MACF1: variants seen among roughly 807,000 people sequenced by gnomAD.
MACF1 encodes microtubule actin crosslinking factor 1.
A neutral mutation model predicts 854.8 loss-of-function variants in MACF1; 193 were observed. The observed-to-expected ratio is 0.23, with a 90% CI of 0.20 to 0.25. The LOEUF (loss-of-function observed/expected upper bound fraction) is 0.25. Among genes scored for constraint, MACF1 ranks in the 10% least tolerant of loss-of-function variants. The pLI, the probability that MACF1 is intolerant of heterozygous loss-of-function variation, is 1.00. For missense variants in MACF1, 7,722 were observed against 8,929.1 expected (o/e 0.86, Z 5.45); for synonymous variants, 3,185 against 3,226.7 (o/e 0.99, Z 0.44).
chr1:39,435,706 A>G lies in MACF1; in HGVS notation c.17933A>G (p.Glu5978Gly). 6.2e-7 allele frequency: 1 copy of G among 1,614,146 alleles called. No homozygotes were observed. Among genetic ancestry groups the G allele is most frequent in the Non-Finnish European group, 8.5e-7 (1 of 1,180,024 alleles). The change falls in exon 70 of 101, where the codon GAG becomes GGG. Residue 5978 changes from glutamate to glycine, a missense_variant. Coordinates refer to ENST00000564288, the MANE Select transcript of MACF1 (RefSeq NM_001394062.1). The part of the protein sequence containing the change: ...KAENMYAQIK[E>G]EVRQRALALD... ...GAAAACATGTATGCCCAAATAAAGG[A>G]GGAGGTGCGCCAGCGAGCCCTGGCT...
At chr1:39,446,894 C>T (rs1644242116) in intron 80 of MACF1, among the ~76,000 whole-genome samples, 2 of 152,120 alleles carry the variant, frequency 1.3e-5, no homozygotes, top group African/African-American at 2.4e-5. Context: ...TGGCTTCTTT[C>T]GTTACCTCTT....
intron 2 of MACF1, among the ~76,000 whole-genome samples, chr1:39,151,207 A>C (rs1355163375): frequency 1.3e-5 from 2 of 152,102 alleles, no homozygotes; most frequent in East Asian, 1.9e-4. Context: ...TTGTCCATAC[A>C]CCCTACCAGA....
rs542032860 is a variant in MACF1, at chr1:39,302,940, A to G, written c.2651A>G (p.Asn884Ser). 88 of 1,613,898 alleles carry G rather than the reference A, an allele frequency of 5.5e-5. No homozygotes were observed. The South Asian group carries it at 7.4e-4, about 13-fold the overall frequency. ...TCTCTTCAGATTACTATTTGCAAAA[A>G]TGATGAATGTGTGCTAGAAGATAAT... The part of the protein sequence containing the change: ...YRQIEITICK[N>S]DECVLEDNSQ... The change falls in exon 23 of 101, where the codon AAT becomes AGT. Residue 884 changes from asparagine to serine, a missense_variant. Asn to Ser is a conservative substitution (Grantham distance 46). This residue lies in a region of MACF1 where 1,137 missense variants were observed against 1,263.0 expected (regional missense o/e 0.90). Coordinates refer to ENST00000564288, the MANE Select transcript of MACF1 (RefSeq NM_001394062.1).
At chr1:39,438,069 C>T in intron 71 of MACF1, 61 bp downstream of exon 71, 1 of 1,426,162 alleles carries the variant, frequency 7.0e-7, no homozygotes. Context: ...CTGTGGTTAT[C>T]TTCAGCATCC....
Position 39,211,210 on chromosome 1 carries a change from C to T in MACF1, c.109+6079C>T, listed in dbSNP as rs182048377. On this transcript the variant is annotated intron_variant, in intron 1 of 100. Coordinates refer to ENST00000564288, the MANE Select transcript of MACF1 (RefSeq NM_001394062.1). ...CTTGAACTCCTGACCTCAAGTGATCCGTCCATCTTGGCCTCTCAGAGTTCT... is the reference window on the plus strand; with the variant it reads ...CTTGAACTCCTGACCTCAAGTGATCTGTCCATCTTGGCCTCTCAGAGTTCT... Among the ~76,000 whole-genome samples the T allele has an allele frequency of 5.9e-3, 905 of 152,154 alleles. 10 individuals carry two copies. The highest frequency in any genetic ancestry group is 0.019 in the African/African-American group (781 of 41,502).
chr1:39,255,972 G>A (rs1442270946), intron 5 of MACF1, among the ~76,000 whole-genome samples: 1 of 152,180 alleles, frequency 6.6e-6, no homozygotes, highest in Non-Finnish European at 1.5e-5. Context: ...AAGAAGGGCA[G>A]GGAGATTACT....
At chr1:39,349,803 A>G (rs1328596893) in intron 42 of MACF1, among the ~76,000 whole-genome samples, 176 bp downstream of exon 42, 1 of 152,026 alleles carries the variant, frequency 6.6e-6, no homozygotes, top group Non-Finnish European at 1.5e-5. Context: ...TAATTTTTTA[A>G]TTTTTTTGTA....
At chr1:39,265,573 C>T (rs547010195) in intron 6 of MACF1, among the ~76,000 whole-genome samples, 1 of 152,218 alleles carries the variant, frequency 6.6e-6, no homozygotes, top group East Asian at 1.9e-4. Flanking sequence ...GAGCATTTGG[C>T]CAAAATCATG....
intron 2 of MACF1, among the ~76,000 whole-genome samples, chr1:39,166,841 G>C (rs1337941066): frequency 1.3e-5 from 2 of 152,208 alleles, no homozygotes; most frequent in Non-Finnish European, 2.9e-5. Flanking sequence ...ACTGGCAGCA[G>C]TGTGAAAGAT....
chr1:39,295,710 C>T, intron 19 of MACF1, 77 bp from the exon 20 acceptor site: 4 of 1,054,664 alleles, frequency 3.8e-6, no homozygotes, highest in Non-Finnish European at 4.2e-6. Context: ...CAGAGTTGTA[C>T]TTGGAAAATA....
At chr1:39,300,961 G>A (rs1339258590) in intron 22 of MACF1, among the ~76,000 whole-genome samples, 1 of 152,126 alleles carries the variant, frequency 6.6e-6, no homozygotes, top group Non-Finnish European at 1.5e-5. Context: ...AGTGGAGGTT[G>A]CAGTGAGCCA....
intron 6 of MACF1, chr1:39,269,840 T>G: frequency 5.4e-6 from 4 of 747,418 alleles, no homozygotes; most frequent in Non-Finnish European, 7.5e-6. Context: ...TACCCCCATG[T>G]GGGTTAGTAT....
intron 2 of MACF1, among the ~76,000 whole-genome samples, chr1:39,086,347 C>T (rs1180591426): frequency 6.6e-6 from 1 of 152,158 alleles, no homozygotes; most frequent in Non-Finnish European, 1.5e-5. Context: ...AACAGTGGGG[C>T]CTGGAAGGCA....
intron 91 of MACF1, chr1:39,459,796 T>G: frequency 7.7e-7 from 1 of 1,300,568 alleles, no homozygotes; most frequent in Non-Finnish European, 1.0e-6. Context: ...CTTTTGTATT[T>G]TTTTATTTGT....
chr1:39,249,623 G>A (rs1363812496), intron 2 of MACF1, among the ~76,000 whole-genome samples: 1 of 152,160 alleles, frequency 6.6e-6, no homozygotes, highest in East Asian at 1.9e-4. Flanking sequence ...TTCCTTTGCA[G>A]CACTCTAGAA....
chr1:39,406,467 C>G (rs1171982895), intron 58 of MACF1, among the ~76,000 whole-genome samples: 1 of 152,086 alleles, frequency 6.6e-6, no homozygotes, highest in Non-Finnish European at 1.5e-5. Flanking sequence ...TGGCTGGGAA[C>G]AGTAGCTACG....
chr1:39,293,918 G>C (rs1177592425), intron 18 of MACF1, among the ~76,000 whole-genome samples: 1 of 151,992 alleles, frequency 6.6e-6, no homozygotes, highest in Non-Finnish European at 1.5e-5. Flanking sequence ...TATAGGCTTT[G>C]GAGTGCCTAA....
intron 2 of MACF1, among the ~76,000 whole-genome samples, chr1:39,150,062 C>T (rs1643545959): frequency 6.6e-6 from 1 of 151,084 alleles, no homozygotes; most frequent in Non-Finnish European, 1.5e-5. Context: ...CTCCCTCTGT[C>T]ACCCAGGCTG....
In MACF1 at chr1:39,099,133, C is replaced by T. The variant is rs1437717177; in HGVS notation, c.220+14695C>T. Among the ~76,000 whole-genome samples, 3 of 152,160 alleles carry T rather than the reference C, an allele frequency of 2.0e-5. No homozygotes were observed. In the East Asian group the frequency reaches 5.8e-4, roughly 29 times the overall value. On this transcript the variant is annotated intron_variant, in intron 2 of 93. Coordinates refer to the MACF1 transcript ENST00000361689. ...TGGAGAGAATATGTGCATGTGTGCA[C>T]ACACACACACTCACTACTAGCAAAG... is the stretch of plus-strand genomic sequence containing the variant.
Sources: gnomAD v4.1 joint callset for allele counts (sites outside exome capture counted in the v4.1 genomes callset) on GRCh38, gnomAD v4.1.1 for gene constraint, gnomAD v4.1.1 regional missense constraint, MANE v1.5 for transcripts, NCBI Gene and HGNC (gene_info 2026-07-23, HGNC 2026-07-21) for gene names.